The following MACROD2 variants were observed in gnomAD, a reference collection of about 807,000 sequenced individuals.
MACROD2 encodes mono-ADP ribosylhydrolase 2.
Under a neutral mutation model 70.4 loss-of-function variants are expected in MACROD2, and 36 were observed. The ratio of observed to expected loss-of-function variants is 0.51; its 90% CI spans 0.39 to 0.68. The LOEUF is 0.68. Ranked by LOEUF, MACROD2 falls within the 30% of genes least tolerant of loss-of-function variation. The pLI, the probability that MACROD2 is intolerant of heterozygous loss-of-function variation, is 0.00. For missense variants in MACROD2, 496 were observed against 538.4 expected, an observed-to-expected ratio of 0.92 and a Z score of 0.78; for synonymous variants, 172 against 178.8, an observed-to-expected ratio of 0.96 and a Z score of 0.30.
At chr20:14,467,269 G>A (rs568436049) in intron 3 of MACROD2, among the ~76,000 whole-genome samples, 12 of 152,124 alleles carry the variant, frequency 7.9e-5, no homozygotes, top group Non-Finnish European at 1.3e-4. Context: ...CTGCCACCTT[G>A]CTGTTTGATC....
chr20:14,852,319 A>C (rs1421299905), intron 5 of MACROD2, among the ~76,000 whole-genome samples: 1 of 152,140 alleles, frequency 6.6e-6, no homozygotes, highest in Non-Finnish European at 1.5e-5. Context: ...AAAGGACCCC[A>C]AGAGTCTTCT....
At chr20:14,134,183 G>T (rs942426914) in intron 3 of MACROD2, among the ~76,000 whole-genome samples, 2 of 152,096 alleles carry the variant, frequency 1.3e-5, no homozygotes. Context: ...TTAATATGAA[G>T]TTTTGTGAAC....
chr20:14,083,635 AGTACT>A (rs964446381), intron 2 of MACROD2, among the ~76,000 whole-genome samples: 30 of 152,144 alleles, frequency 2.0e-4, no homozygotes, highest in Non-Finnish European at 4.0e-4. Context: ...AGAGATAAAT[AGTACT>A]GTAGGAGTCC....
intron 2 of MACROD2, among the ~76,000 whole-genome samples, chr20:14,037,269 A>T (rs2053325106): frequency 6.6e-6 from 1 of 152,220 alleles, no homozygotes; most frequent in South Asian, 2.1e-4. Flanking sequence ...TTTTGGCATC[A>T]TTAATTTGGC....
chr20:15,321,738 A>T (rs1480878728), intron 6 of MACROD2, among the ~76,000 whole-genome samples: 16 of 144,492 alleles, frequency 1.1e-4, no homozygotes, highest in African/African-American at 4.0e-4. Flanking sequence ...GAACAAGTGA[A>T]TCCATTTGCA....
intron 3 of MACROD2, among the ~76,000 whole-genome samples, chr20:14,167,405 C>T (rs897395560): frequency 1.3e-5 from 2 of 151,170 alleles, no homozygotes; most frequent in East Asian, 1.9e-4. Flanking sequence ...TTTTTTGAGA[C>T]GGAGTTTTGC....
At chr20:14,490,026 A>G (rs896281907) in intron 3 of MACROD2, among the ~76,000 whole-genome samples, 5 of 152,060 alleles carry the variant, frequency 3.3e-5, no homozygotes, top group Admixed American at 6.6e-5. Context: ...AGCATTTTTC[A>G]TTTGTATTTT....
chr20:14,671,187 C>G (rs2070790650), intron 4 of MACROD2, among the ~76,000 whole-genome samples: 3 of 152,028 alleles, frequency 2.0e-5, no homozygotes, highest in Admixed American at 1.3e-4. Flanking sequence ...ATGACATTTT[C>G]TTTGATTTAG....
At chr20:14,760,932 A>T (rs183439835) in intron 5 of MACROD2, among the ~76,000 whole-genome samples, 122 of 152,246 alleles carry the variant, frequency 8.0e-4, no homozygotes, top group African/African-American at 2.7e-3. Context: ...TGCAGAATTT[A>T]ATAGTCTTTT....
At chr20:14,629,894 G>A (rs980896416) in intron 4 of MACROD2, among the ~76,000 whole-genome samples, 3 of 152,068 alleles carry the variant, frequency 2.0e-5, no homozygotes, top group Non-Finnish European at 4.4e-5. Context: ...CTGTCTTAAA[G>A]AGAAATATAC....
intron 8 of MACROD2, among the ~76,000 whole-genome samples, chr20:15,733,703 A>G (rs11696702): frequency 0.047 from 7,229 of 152,272 alleles, 242 homozygotes; most frequent in East Asian, 0.14. Flanking sequence ...GGTCCAGTCC[A>G]CCTGTAACCC....
chr20:14,819,777 T>C (rs1031149025), intron 5 of MACROD2, among the ~76,000 whole-genome samples: 3 of 152,028 alleles, frequency 2.0e-5, no homozygotes. Context: ...TTCTAGGCAC[T>C]GGGAAGGCCC....
chr20:14,180,542 A>AT (rs1376879057), intron 3 of MACROD2, among the ~76,000 whole-genome samples: 1 of 152,078 alleles, frequency 6.6e-6, no homozygotes, highest in African/African-American at 2.4e-5. Flanking sequence ...ACTTATACGA[A>AT]TTTTTTAAAT....
chr20:14,529,893 A>G (rs1332515830), intron 4 of MACROD2, among the ~76,000 whole-genome samples: 2 of 152,206 alleles, frequency 1.3e-5, no homozygotes, highest in East Asian at 1.9e-4. Context: ...AAAGAGGGTA[A>G]TAGTGTTTTC....
chr20:15,429,981 T>A (rs189397509), intron 6 of MACROD2, among the ~76,000 whole-genome samples: 42 of 152,218 alleles, frequency 2.8e-4, no homozygotes, highest in African/African-American at 9.9e-4. Flanking sequence ...TGTCCATGTG[T>A]ACTCATTTTT....
At position 14,903,038 on chromosome 20, in the gene MACROD2, C is replaced by T. The variant is rs900654840; in HGVS notation, c.418+218079C>T. Among the ~76,000 whole-genome samples, 51 of 121,524 alleles carry T rather than the reference C, an allele frequency of 4.2e-4. 1 individual carries two copies. In the Middle Eastern group the frequency reaches 0.016, roughly 38 times the overall value. 79.7% of individuals were successfully genotyped at this position (121,524 alleles called of 152,430 possible). Reference sequence around the variant, plus strand: ...TCTAAAGGTTTCTTTTTTTTCTTTCCCTTTTTTTTTTTTTTTTTTTGAGAC... The same window carrying T: ...TCTAAAGGTTTCTTTTTTTTCTTTCTCTTTTTTTTTTTTTTTTTTTGAGAC... On this transcript the variant is annotated intron_variant, in intron 5 of 17. Coordinates refer to ENST00000684519, the MANE Select transcript of MACROD2 (RefSeq NM_001351661.2).
intron 3 of MACROD2, among the ~76,000 whole-genome samples, chr20:14,448,392 T>G (rs1300578529): frequency 2.6e-5 from 4 of 151,768 alleles, no homozygotes; most frequent in African/African-American, 9.7e-5. Flanking sequence ...TTTTAAACAG[T>G]GGGGCCAGGC....
intron 4 of MACROD2, among the ~76,000 whole-genome samples, chr20:14,557,646 G>A (rs1979125300): frequency 6.6e-6 from 1 of 151,926 alleles, no homozygotes; most frequent in East Asian, 1.9e-4. Context: ...TTAGCTCTCA[G>A]GGAAATGTAA....
At chr20:15,604,446 G>A (rs1488383384) in intron 8 of MACROD2, among the ~76,000 whole-genome samples, 1 of 152,200 alleles carries the variant, frequency 6.6e-6, no homozygotes, top group Non-Finnish European at 1.5e-5. Context: ...TTTGTAAAAA[G>A]CACCACAGGC....
Sources: gnomAD v4.1 joint callset for allele counts (sites outside exome capture counted in the v4.1 genomes callset) on GRCh38, gnomAD v4.1.1 for gene constraint, MANE v1.5 for transcripts, NCBI Gene and HGNC (gene_info 2026-07-23, HGNC 2026-07-21) for gene names.